The following LIPF variants were observed in gnomAD, a reference collection of about 807,000 sequenced individuals.
The protein encoded by LIPF is lipase F, gastric type.
A neutral mutation model predicts 38.0 loss-of-function variants in LIPF; 25 were observed. That is an observed-to-expected ratio of 0.66 (90% CI 0.48 to 0.92). The LOEUF is 0.92. LIPF is among the 40% of genes least tolerant of loss of function. The pLI, the probability that LIPF is intolerant of heterozygous loss-of-function variation, is 0.00. For synonymous variants in LIPF, 161 were observed against 156.2 expected (o/e 1.03, Z -0.23); for missense variants, 410 against 469.9 (o/e 0.87, Z 1.18).
At chr10:88,672,490 G>T (rs978024303) in intron 6 of LIPF, among the ~76,000 whole-genome samples, 3 of 152,198 alleles carry the variant, frequency 2.0e-5, no homozygotes, top group East Asian at 1.9e-4. Flanking sequence ...TTAAATGGGC[G>T]ATCTCATAAG....
Position 88,672,666 on chromosome 10 carries a change from ACACACT to A in LIPF, c.669+703_669+708del, listed in dbSNP as rs1361201240. ...CACACACACACACACACACACACAC[ACACACT>A]CTCTCTCTCTCTCTCTCTCTTTCCT... On this transcript the variant is annotated intron_variant, in intron 6 of 9. Transcript: ENST00000238983. 9.8e-3 allele frequency among the ~76,000 whole-genome samples: 1,195 copies of A among 121,736 alleles called. 9 individuals are homozygous for A. The highest frequency in any genetic ancestry group is 0.029 in the African/African-American group (858 of 29,556). The allele number at this position is 121,736 out of a possible 152,430, so 79.9% of individuals were successfully genotyped here.
chr10:88,665,277 T>C (rs1354404576), intron 1 of LIPF, among the ~76,000 whole-genome samples: 2 of 152,206 alleles, frequency 1.3e-5, no homozygotes, highest in Non-Finnish European at 2.9e-5. Context: ...CTAACGTTTA[T>C]GAGATGCCCA....
intron 5 of LIPF, 47 bp downstream of exon 5, chr10:88,669,993 TTTCCC>T: frequency 4.0e-6 from 5 of 1,249,038 alleles, no homozygotes; most frequent in Non-Finnish European, 5.8e-6. Flanking sequence ...TCATAAACAC[TTTCCC>T]AGTGGTTATG....
intron 3 of LIPF, 31 bp downstream of exon 3, chr10:88,667,717 T>C: frequency 1.1e-6 from 1 of 918,844 alleles, no homozygotes; most frequent in South Asian, 1.5e-5. Context: ...TTCCTTCCTT[T>C]CTCTCTTTTT....
chr10:88,671,275 A>C (rs1455234820), intron 5 of LIPF, among the ~76,000 whole-genome samples: 2 of 152,202 alleles, frequency 1.3e-5, no homozygotes, highest in African/African-American at 4.8e-5. Flanking sequence ...AGTTCCTAAC[A>C]ATCTAATGAA....
In LIPF at chr10:88,668,776, A is replaced by C. The variant is rs1327910515; in HGVS notation, c.422+20A>C. ...TTTCAGGTAAACAAAAGGGACAATT[A>C]AAAATAAACACTGGGCTTTAAAAGC... is the stretch of plus-strand genomic sequence containing the variant. On this transcript the variant is annotated intron_variant, in intron 4 of 9. Transcript: ENST00000238983. The C allele has an allele frequency of 6.2e-7, 1 of 1,602,078 alleles. No homozygotes were observed. Among genetic ancestry groups the C allele is most frequent in the Admixed American group, 1.7e-5 (1 of 59,672 alleles).
chr10:88,673,450 G>T, intron 6 of LIPF, 138 bp from the exon 7 acceptor site: 2 of 724,250 alleles, frequency 2.8e-6, no homozygotes, highest in Non-Finnish European at 2.3e-6. Context: ...TGAAAGTATT[G>T]GAAATTCCTA....
intron 9 of LIPF, 50 bp downstream of exon 9, chr10:88,676,330 C>A: frequency 9.1e-7 from 1 of 1,100,832 alleles, no homozygotes; most frequent in Non-Finnish European, 1.4e-6. Context: ...ACAATACTAA[C>A]TATTTAAATG....
chr10:88,671,025 C>T (rs954908083), intron 5 of LIPF, among the ~76,000 whole-genome samples: 4 of 152,076 alleles, frequency 2.6e-5, no homozygotes, highest in African/African-American at 7.2e-5. Context: ...TGAGTATCAT[C>T]GATATGTCAT....
intron 7 of LIPF, among the ~76,000 whole-genome samples, chr10:88,674,766 C>G (rs573111340): frequency 7.9e-5 from 12 of 152,138 alleles, no homozygotes; most frequent in South Asian, 2.1e-4. Context: ...ACAACTATCT[C>G]CCCTCCAAAT....
At chr10:88,672,968 T>G (rs1208658891) in intron 6 of LIPF, among the ~76,000 whole-genome samples, 5 of 152,226 alleles carry the variant, frequency 3.3e-5, no homozygotes, top group African/African-American at 1.2e-4. Flanking sequence ...GATTAAAATT[T>G]AGAAAAGCAA....
chr10:88,668,789 G>T, intron 4 of LIPF, 33 bp downstream of exon 4: 1 of 1,585,622 alleles, frequency 6.3e-7, no homozygotes. Flanking sequence ...AATAAACACT[G>T]GGCTTTAAAA....
At chr10:88,675,704 C>A in intron 8 of LIPF, 47 bp downstream of exon 8, 1 of 1,372,078 alleles carries the variant, frequency 7.3e-7, no homozygotes, top group Non-Finnish European at 1.0e-6. Flanking sequence ...GAGTCTCAAC[C>A]CTTTTCACTT....
chr10:88,675,024 G>A lies in LIPF; in HGVS notation c.817-562G>A, dbSNP rs371658159. ...GGAAATTAGAGATTTCATCTTCTGC[G>A]TAATAATTTGCAGAAGACCATCTTC... On this transcript the variant is annotated intron_variant, in intron 7 of 9. Coordinates refer to ENST00000238983, the MANE Select transcript of LIPF (RefSeq NM_004190.4). Among the ~76,000 whole-genome samples the A allele has an allele frequency of 6.1e-4, 93 of 152,220 alleles. 1 individual carries two copies. In the South Asian group the frequency reaches 7.3e-3, roughly 12 times the overall value.
At chr10:88,665,728 T>C (rs997858058) in intron 1 of LIPF, among the ~76,000 whole-genome samples, 3 of 148,702 alleles carry the variant, frequency 2.0e-5, no homozygotes, top group Non-Finnish European at 3.0e-5. Context: ...AAGGCTTAGT[T>C]AAAAACTGAT....
intron 9 of LIPF, among the ~76,000 whole-genome samples, chr10:88,677,409 A>G (rs1841705042): frequency 6.6e-6 from 1 of 152,164 alleles, no homozygotes; most frequent in African/African-American, 2.4e-5. Context: ...AACCAATAAT[A>G]TACCAGGTTG....
At chr10:88,677,911 A>G (rs1198284978) in intron 9 of LIPF, among the ~76,000 whole-genome samples, 1 of 152,256 alleles carries the variant, frequency 6.6e-6, no homozygotes, top group African/African-American at 2.4e-5. Flanking sequence ...TTACAGCTCC[A>G]TAACTGAAAC....
intron 9 of LIPF, among the ~76,000 whole-genome samples, chr10:88,676,583 C>T (rs11202806): frequency 0.12 from 18,579 of 152,220 alleles, 1,404 homozygotes; most frequent in African/African-American, 0.22. Flanking sequence ...CTGTCCTCTC[C>T]TTTCTGAAGT....
At chr10:88,673,310 C>T (rs571187073) in intron 6 of LIPF, among the ~76,000 whole-genome samples, 21 of 152,258 alleles carry the variant, frequency 1.4e-4, no homozygotes, top group South Asian at 1.0e-3. Flanking sequence ...CCTATCACCC[C>T]AACTAGATTG....
Sources: gnomAD v4.1 joint callset for allele counts (sites outside exome capture counted in the v4.1 genomes callset) on GRCh38, gnomAD v4.1.1 for gene constraint, MANE v1.5 for transcripts, NCBI Gene and HGNC (gene_info 2026-07-23, HGNC 2026-07-21) for gene names.